Variants in ERGIC1 observed in about 807,000 individuals in gnomAD.
The protein encoded by ERGIC1 is endoplasmic reticulum-golgi intermediate compartment 1, also known as endoplasmic reticulum-Golgi intermediate compartment protein 1.
In ERGIC1, 19 loss-of-function variants were observed where a neutral mutation model predicts 38.3. That is an observed-to-expected ratio of 0.50 (90% confidence interval 0.35 to 0.73). The LOEUF (loss-of-function observed/expected upper bound fraction) is 0.73, where lower values mean the gene tolerates loss of function less well. ERGIC1 is among the 30% of genes least tolerant of loss of function. ERGIC1 has a pLI of 0.01. For synonymous variants in ERGIC1, 124 were observed against 157.6 expected (o/e 0.79, Z 1.60); for missense variants, 294 against 389.2 (o/e 0.76, Z 2.06).
At chr5:172,871,603 C>T (rs909906452) in intron 1 of ERGIC1, among the ~76,000 whole-genome samples, 1 of 152,198 alleles carries the variant, frequency 6.6e-6, no homozygotes, top group Non-Finnish European at 1.5e-5. Flanking sequence ...GTCTGACCTC[C>T]GATGTGCTCC....
chr5:172,946,175 C>G (rs1764117586), intron 9 of ERGIC1, among the ~76,000 whole-genome samples: 1 of 152,194 alleles, frequency 6.6e-6, no homozygotes, highest in Non-Finnish European at 1.5e-5. Flanking sequence ...GTGCACACCT[C>G]CCAGCCCCAG....
chr5:172,907,555 CAA>C (rs111806800), intron 3 of ERGIC1, among the ~76,000 whole-genome samples: 1 of 143,366 alleles, frequency 7.0e-6, no homozygotes, highest in Non-Finnish European at 1.5e-5. Context: ...AAGACTCTGT[CAA>C]AAAAAAAAAA....
Position 172,834,264 on chromosome 5 carries a change from G to A in ERGIC1, c.-150G>A, listed in dbSNP as rs1347949314. ...GCGCGGAGCGTCACTTCCCGGCAGC[G>A]GGAGGCGAGTGGCGAGTGGCGAGTG... On this transcript the variant is annotated 5_prime_UTR_variant, in exon 1 of 10. Coordinates refer to ENST00000393784, the MANE Select transcript of ERGIC1 (RefSeq NM_001031711.3). The surrounding 1 kb of genome is among the most constrained non-coding windows in gnomAD (Gnocchi z 4.1). 8 of 762,710 alleles carry A rather than the reference G, an allele frequency of 1.0e-5. No individual in the cohort carries two copies. Among genetic ancestry groups the A allele is most frequent in the Non-Finnish European group, 1.3e-5 (8 of 593,900 alleles). The allele number at this position is 762,710 out of a possible 1,614,324, so 47.2% of individuals were successfully genotyped here.
At chr5:172,908,323 A>AGGGGGGGG (rs1763099094) in intron 3 of ERGIC1, among the ~76,000 whole-genome samples, 1 of 242 alleles carries the variant, frequency 4.1e-3, no homozygotes, top group Admixed American at 0.045. Flanking sequence ...GGGGGGAGAG[A>AGGGGGGGG]GGGGAGGGGG....
At chr5:172,895,139 T>C (rs6871139) in intron 2 of ERGIC1, among the ~76,000 whole-genome samples, 41,091 of 152,060 alleles carry the variant, frequency 0.27, 6,219 homozygotes, top group African/African-American at 0.41. Context: ...TAAGGGTCAA[T>C]CAATGTGTTG....
intron 6 of ERGIC1, among the ~76,000 whole-genome samples, chr5:172,924,675 G>C: frequency 6.6e-6 from 1 of 152,266 alleles, no homozygotes; most frequent in South Asian, 2.1e-4. Flanking sequence ...CAGCGGTCTC[G>C]CATTGCCACG....
intron 1 of ERGIC1, among the ~76,000 whole-genome samples, chr5:172,842,233 G>A (rs142186485): frequency 2.2e-4 from 33 of 152,286 alleles, no homozygotes; most frequent in African/African-American, 7.9e-4. Context: ...AGTGGAGATG[G>A]GGTTTCACCA....
At chr5:172,910,383 C>G (rs1223628319) in intron 4 of ERGIC1, among the ~76,000 whole-genome samples, 1 of 152,168 alleles carries the variant, frequency 6.6e-6, no homozygotes, top group African/African-American at 2.4e-5. Context: ...CAGCTGACAC[C>G]TAGAGAAGCT....
intron 1 of ERGIC1, among the ~76,000 whole-genome samples, chr5:172,857,089 A>T (rs571557540): frequency 1.3e-5 from 2 of 152,190 alleles, no homozygotes; most frequent in Non-Finnish European, 2.9e-5. Flanking sequence ...TAGGAACATG[A>T]TGTACGCTGA....
At chr5:172,895,777 G>T (rs182639610) in intron 2 of ERGIC1, among the ~76,000 whole-genome samples, 136 of 152,102 alleles carry the variant, frequency 8.9e-4, no homozygotes, top group African/African-American at 3.2e-3. Flanking sequence ...GAGGAGGGAT[G>T]ATGAGTCCAG....
chr5:172,949,451 C>T (rs1764186899), intron 9 of ERGIC1, among the ~76,000 whole-genome samples: 1 of 152,132 alleles, frequency 6.6e-6, no homozygotes, highest in Non-Finnish European at 1.5e-5. Context: ...AGCACTGTAA[C>T]CCACCTGGCC....
chr5:172,886,272 A>G (rs1762415386), intron 1 of ERGIC1, among the ~76,000 whole-genome samples: 1 of 151,918 alleles, frequency 6.6e-6, no homozygotes, highest in Non-Finnish European at 1.5e-5. Context: ...CCAGCTTCCC[A>G]GATTCGGTCC....
intron 1 of ERGIC1, among the ~76,000 whole-genome samples, chr5:172,840,417 A>G (rs760498213): frequency 2.0e-5 from 3 of 152,170 alleles, no homozygotes; most frequent in Non-Finnish European, 2.9e-5. Flanking sequence ...TGAAGAGGGT[A>G]TTTGGGGTGA....
rs111854493 is a variant in ERGIC1 at position 172,905,838 on chromosome 5, G to A, written c.156-3829G>A. ...AAAAGGGGGTTGCCCAATCCAGCTC[G>A]AATGCCTGGGTTTATATCCCCATCA... On this transcript the variant is annotated intron_variant, in intron 3 of 9. Coordinates refer to ENST00000393784, the MANE Select transcript of ERGIC1 (RefSeq NM_001031711.3). Among the ~76,000 whole-genome samples, 1,147 of 152,308 alleles carry A rather than the reference G, an allele frequency of 7.5e-3. 5 individuals are homozygous for A. Among genetic ancestry groups the A allele is most frequent in the Admixed American group, 0.012 (189 of 15,300 alleles).
chr5:172,935,907 A>G (rs962234587), intron 9 of ERGIC1: 1 of 152,704 alleles, frequency 6.5e-6, no homozygotes, highest in Non-Finnish European at 1.5e-5. Flanking sequence ...GGGTCAGAAC[A>G]GGAGGGTCAG....
intron 1 of ERGIC1, among the ~76,000 whole-genome samples, chr5:172,879,224 T>A (rs977622805): frequency 6.6e-6 from 1 of 152,222 alleles, no homozygotes; most frequent in Non-Finnish European, 1.5e-5. Context: ...AAATTACAGA[T>A]GAAATCCATT....
intron 9 of ERGIC1, among the ~76,000 whole-genome samples, chr5:172,941,839 T>A (rs1181463807): frequency 2.0e-5 from 3 of 152,266 alleles, no homozygotes; most frequent in African/African-American, 7.2e-5. Flanking sequence ...TTCACCTGTT[T>A]AGGCTTCTGC....
At chr5:172,840,167 G>A (rs996836904) in intron 1 of ERGIC1, among the ~76,000 whole-genome samples, 1 of 152,044 alleles carries the variant, frequency 6.6e-6, no homozygotes, top group African/African-American at 2.4e-5. Flanking sequence ...GCTGACCAGT[G>A]GGGGTTTTCC....
intron 6 of ERGIC1, among the ~76,000 whole-genome samples, chr5:172,924,420 G>C (rs979931827): frequency 6.6e-6 from 1 of 152,214 alleles, no homozygotes; most frequent in African/African-American, 2.4e-5. Context: ...GTGCCGAGAT[G>C]GTCCAGGGCA....
Sources: allele counts gnomAD v4.1 joint callset (sites outside exome capture counted in the v4.1 genomes callset), GRCh38; gene constraint gnomAD v4.1.1; non-coding constraint Gnocchi (gnomAD v3.1); transcripts MANE v1.5; gene names NCBI Gene and HGNC (gene_info 2026-07-23, HGNC 2026-07-21).